SYTL2: variants seen among roughly 807,000 people sequenced by gnomAD.
SYTL2 encodes synaptotagmin-like protein 2.
In SYTL2, 165 loss-of-function variants were observed where a neutral mutation model predicts 198.7. The observed-to-expected ratio is 0.83, with a 90% CI of 0.73 to 0.94. SYTL2 has a LOEUF of 0.94. SYTL2 is among the 40% of genes least tolerant of loss of function. SYTL2 has a pLI of 0.00. For synonymous variants in SYTL2, 966 were observed against 917.7 expected, an observed-to-expected ratio of 1.05 and a Z score of -0.95; for missense variants, 2,835 against 2,582.8, an observed-to-expected ratio of 1.10 and a Z score of -2.12.
At chr11:85,759,425 G>T (rs928657719) in intron 1 of SYTL2, among the ~76,000 whole-genome samples, 12 of 152,152 alleles carry the variant, frequency 7.9e-5, no homozygotes, top group Non-Finnish European at 1.8e-4. Context: ...CGACCACTGT[G>T]AAGCTGTTTT....
chr11:85,782,777 G>C (rs1273791103), intron 1 of SYTL2, among the ~76,000 whole-genome samples: 1 of 152,102 alleles, frequency 6.6e-6, no homozygotes, highest in Non-Finnish European at 1.5e-5. Flanking sequence ...TCTAAGACAG[G>C]GGCAAAATGC....
intron 7 of SYTL2, among the ~76,000 whole-genome samples, chr11:85,732,894 A>T (rs997244206): frequency 6.6e-6 from 1 of 152,280 alleles, no homozygotes; most frequent in Admixed American, 6.5e-5. Flanking sequence ...CTGTTTTTTT[A>T]AAAAACATAA....
At chr11:85,826,281 G>A in the SYTL2 span, among the ~76,000 whole-genome samples, 1 of 152,220 alleles carries the variant, frequency 6.6e-6, no homozygotes, top group Non-Finnish European at 1.5e-5. Flanking sequence ...AAGACATCTA[G>A]TGGCTGCAGC....
At chr11:85,747,292 T>TAA (rs34795415) in intron 3 of SYTL2, among the ~76,000 whole-genome samples, 170 of 146,754 alleles carry the variant, frequency 1.2e-3, no homozygotes, top group South Asian at 0.011. Flanking sequence ...CTATGTCTAT[T>TAA]AAAAAAAAAA....
chr11:85,793,466 C>T (rs2092760508), intron 1 of SYTL2, among the ~76,000 whole-genome samples: 1 of 152,158 alleles, frequency 6.6e-6, no homozygotes. Context: ...AATTTGAGAA[C>T]TCTTATCATA....
intron 4 of SYTL2, 61 bp downstream of exon 4, chr11:85,745,576 A>C: frequency 1.3e-6 from 2 of 1,569,282 alleles, no homozygotes; most frequent in Non-Finnish European, 1.7e-6. Flanking sequence ...CATTCTGCCC[A>C]TGTGACACCC....
intron 1 of SYTL2, among the ~76,000 whole-genome samples, chr11:85,804,105 T>G (rs1207829142): frequency 1.3e-5 from 2 of 152,234 alleles, no homozygotes; most frequent in Non-Finnish European, 2.9e-5. Context: ...TCTTAAATAG[T>G]ATACTAAGTT....
chr11:85,842,241 A>T, the SYTL2 span, among the ~76,000 whole-genome samples: 1 of 152,144 alleles, frequency 6.6e-6, no homozygotes, highest in African/African-American at 2.4e-5. Flanking sequence ...CACCAGGCAA[A>T]CCCTTAGCTT....
the SYTL2 span, among the ~76,000 whole-genome samples, chr11:85,816,429 G>A: frequency 6.6e-6 from 1 of 152,182 alleles, no homozygotes; most frequent in Admixed American, 6.5e-5. Context: ...ACCTAGAATA[G>A]TCAAAAGCAA....
intron 1 of SYTL2, among the ~76,000 whole-genome samples, chr11:85,788,777 A>G (rs1461550516): frequency 6.7e-6 from 1 of 150,282 alleles, no homozygotes; most frequent in Admixed American, 6.7e-5. Flanking sequence ...TATAATTATA[A>G]AAAAAAAAGA....
intron 5 of SYTL2, among the ~76,000 whole-genome samples, chr11:85,736,875 T>G (rs1392423314): frequency 6.6e-6 from 1 of 152,176 alleles, no homozygotes; most frequent in East Asian, 1.9e-4. Flanking sequence ...AAATCCCACA[T>G]TTTACAGGTG....
chr11:85,789,786 G>A (rs2092703832), intron 1 of SYTL2, among the ~76,000 whole-genome samples: 1 of 151,974 alleles, frequency 6.6e-6, no homozygotes, highest in African/African-American at 2.4e-5. Flanking sequence ...AACAAATGTG[G>A]ATCTCTACAT....
At chr11:85,739,665 T>C (rs1341545310) in intron 4 of SYTL2, among the ~76,000 whole-genome samples, 1 of 152,166 alleles carries the variant, frequency 6.6e-6, no homozygotes, top group Non-Finnish European at 1.5e-5. Flanking sequence ...AATTGATCCT[T>C]GCATCATCTC....
chr11:85,851,177 A>T, the SYTL2 span, among the ~76,000 whole-genome samples: 23,651 of 146,112 alleles, frequency 0.16, 2,015 homozygotes, highest in Middle Eastern at 0.21. Flanking sequence ...AAAGTATAAT[A>T]AAAAAAAAAG....
rs2091108946 is a variant in SYTL2, at chr11:85,745,728, C to T, written c.298G>A (p.Val100Met). ...DRENGAKESW[V>M]NNVNKDAFLP... ...AAAGCATCTTTGTTGACATTATTCA[C>T]CCAGCTTTCCTTTGCCCCATTTTCT... Residue 100 changes from valine to methionine, a missense_variant, in exon 4 of 20, where the codon GTG becomes ATG. Physicochemically the swap from Val to Met is conservative, Grantham distance 21. This residue lies in a region of SYTL2 where 2,645 missense variants were observed against 2,381.7 expected (regional missense o/e 1.11). Coordinates refer to ENST00000359152, the MANE Select transcript of SYTL2 (RefSeq NM_206927.4). The T allele has an allele frequency of 1.2e-6, 2 of 1,613,592 alleles. No individual in the cohort carries two copies. The highest frequency in any genetic ancestry group is 8.5e-7 in the Non-Finnish European group (1 of 1,179,626).
At position 85,709,493 on chromosome 11, in the gene SYTL2, C is replaced by A. The variant is rs2085869638; in HGVS notation, c.5753G>T (p.Gly1918Val). The change falls in exon 14 of 20, where the codon GGC becomes GTC. Residue 1918 changes from glycine to valine, a missense_variant. By Grantham distance (109) the Gly-to-Val change is moderately radical (BLOSUM62 -3). Coordinates refer to ENST00000359152, the MANE Select transcript of SYTL2 (RefSeq NM_206927.4). ...TCCACTATAAACACTCATCACACTG[C>A]CACTCACCTGAAAGCATCAGAAATA... is the stretch of plus-strand genomic sequence containing the variant. Reference protein sequence around the residue: ...SGMTSLSSVSGSVMSVYSGDF... With the variant: ...SGMTSLSSVSVSVMSVYSGDF... 1 of 1,613,562 alleles carries A rather than the reference C, an allele frequency of 6.2e-7. No individual in the cohort carries two copies. The highest frequency in any genetic ancestry group is 2.2e-5 in the East Asian group (1 of 44,878).
At chr11:85,811,947 A>C (rs1403178446), upstream of SYTL2, among the ~76,000 whole-genome samples, 2 of 152,156 alleles carry the variant, frequency 1.3e-5, no homozygotes, top group Non-Finnish European at 2.9e-5. Context: ...TTAGAAAAGA[A>C]AAAAGAAAAA....
the SYTL2 span, among the ~76,000 whole-genome samples, chr11:85,822,441 T>C: frequency 0.022 from 3,382 of 152,308 alleles, 107 homozygotes; most frequent in African/African-American, 0.075. Flanking sequence ...CCCTGAGCCA[T>C]TGACCTTCTC....
chr11:85,714,416 A>C lies in SYTL2; in HGVS notation c.5622T>G (p.Asp1874Glu), dbSNP rs764922516. ...AAGGTACAAAAGACAAACTTGCCTC[A>C]TCTTGGAGAAATGCTGGAACAGACT... Reference protein sequence around the residue: ...MSKSVPAFLQDESDDRETDTA... With the variant: ...MSKSVPAFLQEESDDRETDTA... The change falls in exon 12 of 20, where the codon GAT becomes GAG. Residue 1874 changes from aspartate (D) to glutamate (E), a missense_variant. Physicochemically the swap from Asp to Glu is conservative, Grantham distance 45. Around this residue, in one of 3 missense-constraint regions of SYTL2, gnomAD observed 2,645 missense variants for 2,381.7 expected, o/e 1.11. Transcript: ENST00000359152. 21 of 1,611,986 alleles carry C rather than the reference A, an allele frequency of 1.3e-5. No homozygotes were observed. In the Admixed American group the frequency reaches 3.5e-4, roughly 27 times the overall value.
Sources: allele counts gnomAD v4.1 joint callset (sites outside exome capture counted in the v4.1 genomes callset), GRCh38; gene constraint gnomAD v4.1.1; regional missense constraint gnomAD v4.1.1; transcripts MANE v1.5; gene names NCBI Gene and HGNC (gene_info 2026-07-23, HGNC 2026-07-21).